TBCD: variants seen among roughly 807,000 people sequenced by gnomAD.
TBCD encodes the protein tubulin folding cofactor D.
Under a neutral mutation model 169.3 loss-of-function variants are expected in TBCD, and 105 were observed. The ratio of observed to expected loss-of-function variants is 0.62; its 90% CI spans 0.53 to 0.73. The LOEUF is 0.73. Among genes scored for constraint, TBCD ranks in the 30% least tolerant of loss-of-function variants. The pLI, the probability that TBCD is intolerant of heterozygous loss-of-function variation, is 0.00. For synonymous variants in TBCD, 700 were observed against 643.9 expected (o/e 1.09, Z -1.32); for missense variants, 1,444 against 1,600.1 (o/e 0.90, Z 1.66).
chr17:82,937,427 G>A, intron 35 of TBCD, 67 bp downstream of exon 35: 1 of 1,417,350 alleles, frequency 7.1e-7, no homozygotes, highest in Non-Finnish European at 1.0e-6. Context: ...CTGAGGGCAG[G>A]AGTCCACGGC....
intron 7 of TBCD, among the ~76,000 whole-genome samples, chr17:82,786,363 T>C (rs2049318039): frequency 1.3e-5 from 2 of 152,182 alleles, no homozygotes; most frequent in African/African-American, 2.4e-5. Flanking sequence ...CTCCAATGGC[T>C]CTGCCCCGAG....
intron 23 of TBCD, among the ~76,000 whole-genome samples, chr17:82,919,896 G>A (rs1475955985): frequency 6.6e-6 from 1 of 152,202 alleles, no homozygotes; most frequent in Non-Finnish European, 1.5e-5. Flanking sequence ...AAAAATGGAA[G>A]GAGAGTTTAG....
At chr17:82,935,126 A>G (rs553556444) in intron 34 of TBCD, among the ~76,000 whole-genome samples, 2 of 152,298 alleles carry the variant, frequency 1.3e-5, no homozygotes, top group Non-Finnish European at 2.9e-5. Flanking sequence ...ATGTCCTGCT[A>G]TGAATACAGC....
chr17:82,830,429 C>G (rs1464220474), intron 13 of TBCD: 1 of 1,611,708 alleles, frequency 6.2e-7, no homozygotes, highest in East Asian at 2.2e-5. Flanking sequence ...TGCTTCTGCT[C>G]CTCGCTGCTG....
intron 6 of TBCD, among the ~76,000 whole-genome samples, chr17:82,774,454 A>G (rs2048462863): frequency 2.0e-5 from 3 of 152,242 alleles, no homozygotes; most frequent in Admixed American, 6.5e-5. Flanking sequence ...ACTTCTTTCT[A>G]CACAGACACA....
Position 82,925,076 on chromosome 17 carries a change from A to G in TBCD, c.2379+19A>G, listed in dbSNP as rs1040006870. ...CCAGCAGGTGAGGCTGGCCACGCGC[A>G]GTGGACGGGGCCTAGGGCGAGGGTG... is the stretch of plus-strand genomic sequence containing the variant. On this transcript the variant is annotated intron_variant, in intron 27 of 38. Transcript: ENST00000355528. 4 of 1,539,272 alleles carry G rather than the reference A, an allele frequency of 2.6e-6. No individual in the cohort carries two copies. In the African/African-American group the frequency reaches 4.1e-5, roughly 16 times the overall value.
At chr17:82,818,002 G>C (rs745551858) in intron 13 of TBCD, among the ~76,000 whole-genome samples, 78 of 152,332 alleles carry the variant, frequency 5.1e-4, no homozygotes, top group Non-Finnish European at 9.0e-4. Context: ...TGCCTGTGGG[G>C]AGCCAGCTCC....
chr17:82,763,576 A>T (rs1282972970), intron 2 of TBCD, among the ~76,000 whole-genome samples: 1 of 152,072 alleles, frequency 6.6e-6, no homozygotes, highest in African/African-American at 2.4e-5. Flanking sequence ...CCCCGTCTCT[A>T]CTAAAAATAC....
At chr17:82,822,020 G>A (rs139617779) in intron 13 of TBCD, among the ~76,000 whole-genome samples, 1,560 of 152,302 alleles carry the variant, frequency 0.01, 33 homozygotes, top group African/African-American at 0.035. Flanking sequence ...TACAAGCAGC[G>A]TCTTACGACG....
In TBCD at chr17:82,920,085, G is replaced by A. The variant is rs1433346779; in HGVS notation, c.2039-471G>A. 6.6e-6 allele frequency among the ~76,000 whole-genome samples: 1 copy of A among 152,160 alleles called. No individual in the cohort carries two copies. The highest frequency in any genetic ancestry group is 1.5e-5 in the Non-Finnish European group (1 of 68,024). ...CCCCCTCGTGGCTGGTCAGGGCCAC[G>A]TTTCTGGTCATGGAGAGTGTGAGTG... On this transcript the variant is annotated intron_variant, in intron 23 of 38. Transcript: ENST00000355528. This position sits in a 1 kb window ranked among gnomAD's most constrained non-coding sequence, Gnocchi z 4.1.
In TBCD at chr17:82,942,422, C is replaced by T. The variant is rs375405219; in HGVS notation, c.3565-27C>T. The T allele has an allele frequency of 1.6e-5, 26 of 1,613,832 alleles. No homozygotes were observed. The South Asian group carries it at 2.4e-4, about 15-fold the overall frequency. ...AATGGTGTGTGTTGGAGCTGACCAG[C>T]CTGAGCTTGTCTTGTCTCTTCTTCA... On this transcript the variant is annotated intron_variant, in intron 38 of 38. Transcript: ENST00000355528.
chr17:82,885,445 CT>C (rs2058653465), intron 15 of TBCD, among the ~76,000 whole-genome samples: 1 of 152,158 alleles, frequency 6.6e-6, no homozygotes, highest in South Asian at 2.1e-4. Context: ...GCCTCAGGTC[CT>C]TTAAAACTAG....
chr17:82,826,062 T>C (rs2052816667), intron 13 of TBCD, among the ~76,000 whole-genome samples: 1 of 152,266 alleles, frequency 6.6e-6, no homozygotes, highest in South Asian at 2.1e-4. Flanking sequence ...TCCCAGAGCA[T>C]TTTACCCTAA....
At chr17:82,939,540 C>A in intron 37 of TBCD, 64 bp downstream of exon 37, 1 of 1,274,960 alleles carries the variant, frequency 7.8e-7, no homozygotes, top group East Asian at 2.5e-5. Flanking sequence ...CTGTCCCCAC[C>A]GTGTCTACTC....
intron 13 of TBCD, among the ~76,000 whole-genome samples, chr17:82,823,661 C>G (rs1231321594): frequency 3.9e-5 from 6 of 152,050 alleles, no homozygotes; most frequent in Admixed American, 3.9e-4. Flanking sequence ...CATGTGAATT[C>G]AAGGATCCTT....
In TBCD at chr17:82,880,763, C is replaced by T. The variant is rs775031109; in HGVS notation, c.1476-3382C>T. On this transcript the variant is annotated intron_variant, in intron 14 of 38. Transcript: ENST00000355528. This position sits in a 1 kb window ranked among gnomAD's most constrained non-coding sequence, Gnocchi z 5.0. ...GTCCACAGGAGCAGGAGGGGCTGGGCGGGGAGGACGCAGGGTCTGTCGGAG... is the reference window on the plus strand; with the variant it reads ...GTCCACAGGAGCAGGAGGGGCTGGGTGGGGAGGACGCAGGGTCTGTCGGAG... Among the ~76,000 whole-genome samples the T allele has an allele frequency of 1.1e-4, 16 of 152,140 alleles. No homozygotes were observed. Among genetic ancestry groups the T allele is most frequent in the Non-Finnish European group, 2.1e-4 (14 of 68,018 alleles).
intron 13 of TBCD, among the ~76,000 whole-genome samples, chr17:82,846,304 ACG>A (rs2055079516): frequency 7.4e-6 from 1 of 135,974 alleles, no homozygotes; most frequent in Non-Finnish European, 1.6e-5. Context: ...TGCCCCCTCC[ACG>A]TGCTGCGTCC....
chr17:82,791,798 C>A (rs550885576), intron 7 of TBCD, among the ~76,000 whole-genome samples: 1 of 152,178 alleles, frequency 6.6e-6, no homozygotes, highest in Admixed American at 6.5e-5. Context: ...CGTCGTTGGG[C>A]AGTGTCGTCG....
In TBCD at chr17:82,930,613, A is replaced by G; in HGVS notation, c.3083A>G (p.Gln1028Arg). ...GGCAGCTTCAGCGGGACCCTTCTGCAGATCTTTGAGGACAACCTTCTGAAT... is the reference window on the plus strand; with the variant it reads ...GGCAGCTTCAGCGGGACCCTTCTGCGGATCTTTGAGGACAACCTTCTGAAT... ...ALGSFSGTLL[Q>R]IFEDNLLNER... Residue 1028 changes from glutamine (Q) to arginine (R), a missense_variant, in exon 33 of 39, where the codon CAG (glutamine) becomes CGG (arginine). Physicochemically the swap from Gln to Arg is conservative, Grantham distance 43. Coordinates refer to ENST00000355528, the MANE Select transcript of TBCD (RefSeq NM_005993.5). This position sits in a 1 kb window ranked among gnomAD's most constrained non-coding sequence, Gnocchi z 5.2. 6.2e-7 allele frequency: 1 copy of G among 1,613,942 alleles called. No homozygotes were observed. Among genetic ancestry groups the G allele is most frequent in the Non-Finnish European group, 8.5e-7 (1 of 1,179,872 alleles).
Sources: allele counts gnomAD v4.1 joint callset (sites outside exome capture counted in the v4.1 genomes callset), GRCh38; gene constraint gnomAD v4.1.1; non-coding constraint Gnocchi (gnomAD v3.1); transcripts MANE v1.5; gene names NCBI Gene and HGNC (gene_info 2026-07-23, HGNC 2026-07-21).